DGKE: variants seen among roughly 807,000 people sequenced by gnomAD.
The protein encoded by DGKE is diacylglycerol kinase epsilon.
A neutral mutation model predicts 70.0 loss-of-function variants in DGKE; 53 were observed. The observed-to-expected ratio is 0.76, with a 90% CI of 0.61 to 0.95. The LOEUF (loss-of-function observed/expected upper bound fraction) is 0.95. DGKE is among the 40% of genes least tolerant of loss of function. The probability of loss-of-function intolerance (pLI) is 0.00; values close to 1 mark genes in which losing one functional copy is unlikely to be tolerated. For synonymous variants in DGKE, 291 were observed against 257.0 expected, an observed-to-expected ratio of 1.13 and a Z score of -1.27; for missense variants, 655 against 706.9, an observed-to-expected ratio of 0.93 and a Z score of 0.83.
chr17:56,842,109 C>G (rs1399489216), intron 2 of DGKE, among the ~76,000 whole-genome samples: 1 of 152,048 alleles, frequency 6.6e-6, no homozygotes, highest in Non-Finnish European at 1.5e-5. Context: ...AAAGCATTAT[C>G]CAGATATATA....
chr17:56,834,921 C>G lies in DGKE; in HGVS notation c.126C>G (p.Leu42=). The G allele has an allele frequency of 6.2e-7, 1 of 1,613,494 alleles. No homozygotes were observed. The highest frequency in any genetic ancestry group is 8.5e-7 in the Non-Finnish European group (1 of 1,179,922). The change falls in exon 2 of 12, where the codon CTC becomes CTG. Residue 42 remains leucine (L), a synonymous_variant. Transcript: ENST00000284061. ...LPVFITFWCS[L]QRSRRQLHRR... ...TGTTCATCACCTTCTGGTGTAGCCT[C>G]CAGCGGTCGCGCCGGCAGCTGCACC...
chr17:56,843,138 A>G (rs2144219489), intron 2 of DGKE, among the ~76,000 whole-genome samples: 1 of 152,338 alleles, frequency 6.6e-6, no homozygotes, highest in Admixed American at 6.5e-5. Flanking sequence ...GCCAAAGCAC[A>G]AATATATATA....
intron 9 of DGKE, among the ~76,000 whole-genome samples, chr17:56,861,189 T>G (rs983246672): frequency 2.4e-4 from 37 of 152,052 alleles, no homozygotes. Flanking sequence ...CTGCCAGGTT[T>G]CTGGCTTAAA....
intron 7 of DGKE, among the ~76,000 whole-genome samples, chr17:56,850,611 A>T (rs1380753175): frequency 6.6e-6 from 1 of 152,198 alleles, no homozygotes; most frequent in Non-Finnish European, 1.5e-5. Flanking sequence ...GGGAACACTG[A>T]TGCATGTTTC....
chr17:56,850,138 G>C (rs1389518949), intron 7 of DGKE, among the ~76,000 whole-genome samples: 2 of 146,520 alleles, frequency 1.4e-5, no homozygotes, highest in African/African-American at 2.5e-5. Flanking sequence ...TTTTTCTTTT[G>C]TTGTGGAGAC....
chr17:56,835,355 A>C (rs781570437), intron 2 of DGKE, 96 bp downstream of exon 2: 3 of 1,276,258 alleles, frequency 2.4e-6, no homozygotes, highest in Non-Finnish European at 3.2e-6. Context: ...TCTGCTGATG[A>C]CCTAAACTCA....
In DGKE at chr17:56,848,028, G is replaced by A. The variant is rs1337950463; in HGVS notation, c.851G>A (p.Gly284Glu). 3 of 1,594,922 alleles carry A rather than the reference G, an allele frequency of 1.9e-6. No individual in the cohort carries two copies. The highest frequency in any genetic ancestry group is 2.6e-6 in the Non-Finnish European group (3 of 1,170,394). ...VLVCGGDGTV[G>E]WVLDAVDDMK... is the part of the protein sequence containing the mutation. The stretch of plus-strand genomic sequence containing the variant: ...GTTTGTGGAGGGGATGGGACTGTAG[G>A]GTGGGTCCTGGATGCAGTTGATGAC... The change falls in exon 5 of 12, where the codon GGG becomes GAG. Residue 284 changes from glycine to glutamate, a missense_variant. Coordinates refer to ENST00000284061, the MANE Select transcript of DGKE (RefSeq NM_003647.3).
intron 3 of DGKE, 62 bp downstream of exon 3, chr17:56,844,240 G>A (rs1598025087): frequency 8.5e-7 from 1 of 1,170,962 alleles, no homozygotes; most frequent in Non-Finnish European, 1.2e-6. Context: ...CTCATTGTTT[G>A]AGATAGTTAA....
chr17:56,858,251 AAG>A (rs1456734846), intron 8 of DGKE, among the ~76,000 whole-genome samples: 2 of 152,222 alleles, frequency 1.3e-5, no homozygotes, highest in Non-Finnish European at 2.9e-5. Context: ...TTAATAGCCT[AAG>A]AGAATAAAAT....
chr17:56,850,431 C>T (rs937647676), intron 7 of DGKE, among the ~76,000 whole-genome samples: 1 of 152,136 alleles, frequency 6.6e-6, no homozygotes, highest in Admixed American at 6.5e-5. Context: ...CTGTGCCCAG[C>T]CATGAACTAC....
rs1907081390 is a variant in DGKE at position 56,843,067 on chromosome 17, G to T, written c.465-952G>T. On this transcript the variant is annotated intron_variant, in intron 2 of 11. Coordinates refer to ENST00000284061, the MANE Select transcript of DGKE (RefSeq NM_003647.3). The stretch of plus-strand genomic sequence containing the variant: ...GCTGGACCCTCAGGAACTCTTCAAG[G>T]GTCCATGTCAGTGGGGCATTTAAAC... Among the ~76,000 whole-genome samples the T allele has an allele frequency of 2.0e-5, 3 of 152,102 alleles. No individual in the cohort carries two copies. The South Asian group carries it at 6.2e-4, about 32-fold the overall frequency.
Position 56,845,566 on chromosome 17 carries a change from G to A in DGKE, c.625-124G>A, listed in dbSNP as rs147925133. On this transcript the variant is annotated intron_variant, in intron 3 of 11. Coordinates refer to ENST00000284061, the MANE Select transcript of DGKE (RefSeq NM_003647.3). ...CTTAGAATTCTTTGATTTTTATATT[G>A]AATTGAGAGAACTAGTATAGTTTTT... The A allele has an allele frequency of 2.7e-5, 26 of 955,512 alleles. No homozygotes were observed. The East Asian group carries it at 3.5e-4, about 13-fold the overall frequency. 59.2% of individuals were successfully genotyped at this position (955,512 alleles called of 1,614,324 possible).
intron 7 of DGKE, among the ~76,000 whole-genome samples, chr17:56,849,966 G>A (rs77994383): frequency 0.044 from 6,709 of 152,170 alleles, 224 homozygotes; most frequent in Non-Finnish European, 0.066. Flanking sequence ...ACTGGGGAGG[G>A]GGCAGGGGGA....
Position 56,848,083 on chromosome 17 carries a change from C to A in DGKE, c.888+18C>A. The A allele has an allele frequency of 1.4e-6, 2 of 1,474,954 alleles. No homozygotes were observed. Among genetic ancestry groups the A allele is most frequent in the Non-Finnish European group, 1.8e-6 (2 of 1,109,544 alleles). The allele number at this position is 1,474,954 out of a possible 1,614,324, so 91.4% of individuals were successfully genotyped here. ...AGATTAAGGTATTAGTCTTTAAGAA[C>A]TACTACAGAAGGACTTCTAAGATAA... On this transcript the variant is annotated intron_variant, in intron 5 of 11. Coordinates refer to ENST00000284061, the MANE Select transcript of DGKE (RefSeq NM_003647.3).
intron 2 of DGKE, among the ~76,000 whole-genome samples, chr17:56,842,582 T>C (rs1907054873): frequency 6.6e-6 from 1 of 152,252 alleles, no homozygotes; most frequent in African/African-American, 2.4e-5. Context: ...ATTTCAGTTT[T>C]CTCTGTAACA....
rs561966376 is a variant in DGKE, at chr17:56,840,026, T to C, written c.465-3993T>C. Among the ~76,000 whole-genome samples, 13 of 152,030 alleles carry C rather than the reference T, an allele frequency of 8.6e-5. No homozygotes were observed. The South Asian group carries it at 2.7e-3, about 32-fold the overall frequency. On this transcript the variant is annotated intron_variant, in intron 2 of 11. Transcript: ENST00000284061. ...CTAAAAGTACAAAATTAGCCGAGTG[T>C]GGTGGCGCATGCCTGTAATCCCAGC...
intron 2 of DGKE, among the ~76,000 whole-genome samples, chr17:56,839,083 AAAGC>A (rs1486900749): frequency 1.3e-5 from 2 of 152,338 alleles, no homozygotes; most frequent in East Asian, 3.9e-4. Flanking sequence ...AATATTTTAA[AAAGC>A]AAGTAAACTA....
At chr17:56,847,161 T>C (rs1907333713) in intron 4 of DGKE, among the ~76,000 whole-genome samples, 1 of 152,164 alleles carries the variant, frequency 6.6e-6, no homozygotes, top group Non-Finnish European at 1.5e-5. Context: ...GTTACTTGCA[T>C]TTTTATGTCA....
chr17:56,849,491 A>G (rs1907520085), intron 7 of DGKE, among the ~76,000 whole-genome samples: 1 of 152,192 alleles, frequency 6.6e-6, no homozygotes, highest in African/African-American at 2.4e-5. Flanking sequence ...AAAGCAAAGG[A>G]CTTTCCAGGC....
Sources: allele counts gnomAD v4.1 joint callset (sites outside exome capture counted in the v4.1 genomes callset), GRCh38; gene constraint gnomAD v4.1.1; transcripts MANE v1.5; gene names NCBI Gene and HGNC (gene_info 2026-07-23, HGNC 2026-07-21).